Variants in ZFYVE19 observed in about 807,000 individuals in gnomAD.
ZFYVE19 encodes zinc finger FYVE-type containing 19.
In ZFYVE19, 49 loss-of-function variants were observed where a neutral mutation model predicts 62.8. That is an observed-to-expected ratio of 0.78 (90% CI 0.62 to 0.99). The LOEUF is 0.99. Ranked by LOEUF, ZFYVE19 falls within the 50% of genes least tolerant of loss-of-function variation. The pLI, the probability that ZFYVE19 is intolerant of heterozygous loss-of-function variation, is 0.00. For synonymous variants in ZFYVE19, 242 were observed against 234.3 expected (o/e 1.03, Z -0.30); for missense variants, 630 against 601.9 (o/e 1.05, Z -0.49).
chr15:40,811,638 GAGGC>G (rs1285995444), intron 6 of ZFYVE19, among the ~76,000 whole-genome samples: 1 of 152,206 alleles, frequency 6.6e-6, no homozygotes, highest in Non-Finnish European at 1.5e-5. Flanking sequence ...TAAGGAGGCA[GAGGC>G]AGGAGGGAGG....
At position 40,813,310 on chromosome 15, in the gene ZFYVE19, C is replaced by G. The variant is rs534052286; in HGVS notation, c.1031-28C>G. On this transcript the variant is annotated intron_variant, in intron 7 of 10. Coordinates refer to ENST00000355341, the MANE Select transcript of ZFYVE19 (RefSeq NM_001077268.2). ...AAATCTCTCACTCTCACTCCCCCAT[C>G]CCCTGTTCCCATGTCTCCCTCTTCA... is the stretch of plus-strand genomic sequence containing the variant. 1.9e-6 allele frequency: 3 copies of G among 1,607,036 alleles called. No homozygotes were observed. The South Asian group carries it at 3.3e-5, about 18-fold the overall frequency.
At position 40,807,503 on chromosome 15, in the gene ZFYVE19, A is replaced by G. The variant is rs1890284220; in HGVS notation, c.-87A>G. The G allele has an allele frequency of 6.2e-7, 1 of 1,610,724 alleles. No individual in the cohort carries two copies. The highest frequency in any genetic ancestry group is 2.2e-5 in the East Asian group (1 of 44,814). Reference sequence around the variant, plus strand: ...CCCAAGAGTCTAAGCGCGCGTGAGGACTGCAGGCTCCGAGCGGCGCCTAGC... The same window carrying G: ...CCCAAGAGTCTAAGCGCGCGTGAGGGCTGCAGGCTCCGAGCGGCGCCTAGC... On this transcript the variant is annotated 5_prime_UTR_variant, in exon 1 of 11. Coordinates refer to ENST00000355341, the MANE Select transcript of ZFYVE19 (RefSeq NM_001077268.2).
At position 40,812,774 on chromosome 15, in the gene ZFYVE19, T is replaced by TGGA; in HGVS notation, c.910_912dup (p.Glu304dup). ...TCCAAGAGGCAGGCCAACTGGTCCTTGGAGGAGGAGAAGAGCAGACTGCTG... is the reference window on the plus strand; with the variant it reads ...TCCAAGAGGCAGGCCAACTGGTCCTTGGAGGAGGAGGAGAAGAGCAGACTGCTG... On this transcript the variant is annotated inframe_insertion, in exon 7 of 11. Coordinates refer to ENST00000355341, the MANE Select transcript of ZFYVE19 (RefSeq NM_001077268.2). 1.2e-6 allele frequency: 2 copies of TGGA among 1,612,866 alleles called. No individual in the cohort carries two copies. The highest frequency in any genetic ancestry group is 1.1e-5 in the South Asian group (1 of 91,036).
chr15:40,808,858 A>G (rs949763863), intron 1 of ZFYVE19: 1 of 422,592 alleles, frequency 2.4e-6, no homozygotes, highest in Non-Finnish European at 4.4e-6. Flanking sequence ...TCTGTCTTCT[A>G]CATCCCTGGG....
At position 40,807,276 on chromosome 15, in the gene ZFYVE19, A is replaced by T. The variant is rs765185785; in HGVS notation, c.-314A>T. 1 of 1,608,562 alleles carries T rather than the reference A, an allele frequency of 6.2e-7. No individual in the cohort carries two copies. Among genetic ancestry groups the T allele is most frequent in the Non-Finnish European group, 8.5e-7 (1 of 1,177,582 alleles). On this transcript the variant is annotated 5_prime_UTR_variant, in exon 1 of 11. Transcript: ENST00000355341. Reference sequence around the variant, plus strand: ...CGCTCCCCGCCCAGGACCCGAATGAACCTGGAGAGCGGATGCCAGCAGTGG... The same window carrying T: ...CGCTCCCCGCCCAGGACCCGAATGATCCTGGAGAGCGGATGCCAGCAGTGG...
Position 40,809,934 on chromosome 15 carries a change from G to A in ZFYVE19, c.535G>A (p.Glu179Lys), listed in dbSNP as rs535484703. ...GACACGACAAGACCAGATGATTGCT[G>A]AGCGCCTAGCACGACTCCGCCAGGA... ...GLTRQDQMIAERLARLRQENK... is the reference protein window; with the variant it reads ...GLTRQDQMIAKRLARLRQENK... Residue 179 changes from glutamate to lysine, a missense_variant, in exon 4 of 11, where the codon GAG (glutamate) becomes AAG (lysine). Physicochemically the swap from Glu to Lys is moderately conservative, Grantham distance 56. Coordinates refer to ENST00000355341, the MANE Select transcript of ZFYVE19 (RefSeq NM_001077268.2). The A allele has an allele frequency of 6.2e-7, 1 of 1,614,210 alleles. No homozygotes were observed. Among genetic ancestry groups the A allele is most frequent in the East Asian group, 2.2e-5 (1 of 44,886 alleles).
rs762364507 is a variant in ZFYVE19, at chr15:40,812,951, C to T, written c.1030+49C>T. 3.8e-6 allele frequency: 6 copies of T among 1,593,226 alleles called. No individual in the cohort carries two copies. The South Asian group carries it at 4.4e-5, about 12-fold the overall frequency. ...CACTGGTATCCCTTGGTCAAGGCCT[C>T]CCTGGCAGGGCTGAGTCAGGTGCTG... On this transcript the variant is annotated intron_variant, in intron 7 of 10. Coordinates refer to ENST00000355341, the MANE Select transcript of ZFYVE19 (RefSeq NM_001077268.2).
chr15:40,807,923 G>C (rs948516768), intron 1 of ZFYVE19, 55 bp downstream of exon 1: 1 of 1,549,596 alleles, frequency 6.5e-7, no homozygotes, highest in Non-Finnish European at 8.7e-7. Context: ...AGGGAAAAGC[G>C]CGGGACTTAA....
At chr15:40,812,589 GA>G (rs1555385539) in intron 6 of ZFYVE19, 109 bp from the exon 7 acceptor site, 2 of 283,370 alleles carry the variant, frequency 7.1e-6, no homozygotes, top group East Asian at 5.5e-5. Flanking sequence ...AAGAAAGAAA[GA>G]AAAAATTATT....
At chr15:40,812,374 C>T (rs1341376428) in intron 6 of ZFYVE19, among the ~76,000 whole-genome samples, 3 of 151,628 alleles carry the variant, frequency 2.0e-5, no homozygotes, top group East Asian at 1.9e-4. Flanking sequence ...GTTGAAACCC[C>T]GTCTCTACTA....
rs1890296544 is a variant in ZFYVE19, at chr15:40,807,697, C to T, written c.108C>T (p.Gly36=). ...GTCGCGGCGGGACAGTGCCAGTGGG[C>T]GTGTGGGGCGGGGCAGGGCAGGGAA... ...ALGRGGTVPV[G]VWGGAGQGRE... Residue 36 remains glycine, a synonymous_variant, in exon 1 of 11, where the codon GGC becomes GGT. Transcript: ENST00000355341. 7.2e-7 allele frequency: 1 copy of T among 1,393,086 alleles called. No homozygotes were observed. The highest frequency in any genetic ancestry group is 1.5e-5 in the African/African-American group (1 of 64,780). 86.3% of individuals were successfully genotyped at this position (1,393,086 alleles called of 1,614,324 possible).
Position 40,810,085 on chromosome 15 carries a change from C to T in ZFYVE19, c.586C>T (p.Gln196Ter). Reference protein sequence around the residue: ...QENKPKLVPSQAEIEARLAAL... With the variant: ...QENKPKLVPS ...GCCAATTGCAGAGTTAGTCCCCTCA[C>T]AGGCAGAGATAGAGGCACGGCTGGC... Residue 196 changes from glutamine to a stop codon, truncating the protein, a stop_gained, in exon 5 of 11, where the codon CAG becomes TAG. Coordinates refer to ENST00000355341, the MANE Select transcript of ZFYVE19 (RefSeq NM_001077268.2). LOFTEE classifies it high-confidence loss of function. The T allele has an allele frequency of 6.2e-7, 1 of 1,614,212 alleles. No homozygotes were observed. Among genetic ancestry groups the T allele is most frequent in the East Asian group, 2.2e-5 (1 of 44,880 alleles).
intron 7 of ZFYVE19, 135 bp downstream of exon 7, chr15:40,813,037 G>C: frequency 9.7e-7 from 1 of 1,027,710 alleles, no homozygotes. Flanking sequence ...AGGTGGTAGA[G>C]CAAAGCAGTG....
intron 1 of ZFYVE19, chr15:40,808,224 C>T (rs765545667): frequency 1.9e-6 from 3 of 1,595,162 alleles, no homozygotes; most frequent in Non-Finnish European, 2.5e-6. Flanking sequence ...CCCGTTACTC[C>T]CTCTGCTCTG....
intron 1 of ZFYVE19, chr15:40,808,790 G>A: frequency 3.0e-6 from 1 of 332,148 alleles, no homozygotes; most frequent in Non-Finnish European, 5.7e-6. Context: ...GCTCTGCCCT[G>A]TCTCTCTGAT....
rs779920113 is a variant in ZFYVE19, at chr15:40,813,997, T to C, written c.1264T>C (p.Cys422Arg). The change falls in exon 10 of 11, where the codon TGC (cysteine) becomes CGC (arginine). Residue 422 changes from cysteine (C) to arginine (R), a missense_variant. Transcript: ENST00000355341. ...EAEEEELPWCCICNEDATLRC... is the reference protein window; with the variant it reads ...EAEEEELPWCRICNEDATLRC... Reference sequence around the variant, plus strand: ...TGAGGAAGAGGAGCTCCCCTGGTGCTGCATCTGCAATGAGGATGCCACCCT... The same window carrying C: ...TGAGGAAGAGGAGCTCCCCTGGTGCCGCATCTGCAATGAGGATGCCACCCT... 3.7e-6 allele frequency: 6 copies of C among 1,613,738 alleles called. No individual in the cohort carries two copies. In the Admixed American group the frequency reaches 5.0e-5, roughly 13 times the overall value.
intron 6 of ZFYVE19, 138 bp from the exon 7 acceptor site, chr15:40,812,560 AG>A (rs1596118285): frequency 4.3e-5 from 14 of 325,672 alleles, no homozygotes; most frequent in East Asian, 1.3e-4. Context: ...AAAAAAAAAA[AG>A]AAAGAAAGAA....
At chr15:40,811,244 A>G (rs1047482309) in intron 6 of ZFYVE19, among the ~76,000 whole-genome samples, 20 of 152,262 alleles carry the variant, frequency 1.3e-4, no homozygotes, top group African/African-American at 4.8e-4. Context: ...CTTCATGGCT[A>G]CCATCTTGGA....
chr15:40,809,811 C>T (rs747229155), intron 3 of ZFYVE19, 41 bp from the exon 4 acceptor site: 10 of 1,599,940 alleles, frequency 6.3e-6, no homozygotes, highest in Admixed American at 1.7e-5. Flanking sequence ...TCACTCTTCC[C>T]CTCTGCCTTC....
Sources: allele counts gnomAD v4.1 joint callset (sites outside exome capture counted in the v4.1 genomes callset), GRCh38; gene constraint gnomAD v4.1.1; transcripts MANE v1.5; gene names NCBI Gene and HGNC (gene_info 2026-07-23, HGNC 2026-07-21).